SLC4A8: variants seen among roughly 807,000 people sequenced by gnomAD.
SLC4A8 encodes the protein solute carrier family 4 member 8, also known as electroneutral sodium bicarbonate exchanger 1.
In SLC4A8, 40 loss-of-function variants were observed where a neutral mutation model predicts 125.0. The ratio of observed to expected loss-of-function variants is 0.32; its 90% CI spans 0.25 to 0.42. The LOEUF (loss-of-function observed/expected upper bound fraction) is 0.42. Ranked by LOEUF, SLC4A8 falls within the 10% of genes least tolerant of loss-of-function variation. The pLI is 1.00. For synonymous variants in SLC4A8, 456 were observed against 476.0 expected (o/e 0.96, Z 0.55); for missense variants, 863 against 1,355.1 (o/e 0.64, Z 5.70).
chr12:51,448,679 A>G (rs969014418), intron 2 of SLC4A8, among the ~76,000 whole-genome samples: 1 of 152,170 alleles, frequency 6.6e-6, no homozygotes, highest in African/African-American at 2.4e-5. Context: ...TGGTTTGGAT[A>G]CTGCCTGCAA....
intron 1 of SLC4A8, among the ~76,000 whole-genome samples, chr12:51,401,939 A>AT (rs139226099): frequency 3.1e-4 from 46 of 150,404 alleles, no homozygotes; most frequent in African/African-American, 5.1e-4. Context: ...TAATTTTTCT[A>AT]TTTTTTTTTG....
In SLC4A8 at chr12:51,511,607, T is replaced by C; in HGVS notation, c.*4169T>C. On this transcript the variant is annotated 3_prime_UTR_variant, in exon 25 of 25. Transcript: ENST00000453097. Reference sequence around the variant, plus strand: ...TTTCACTATGTTGGCCAGGCTGGTCTGAAACTCCTGGCCTCAGGTGATCCA... The same window carrying C: ...TTTCACTATGTTGGCCAGGCTGGTCCGAAACTCCTGGCCTCAGGTGATCCA... 6.6e-6 allele frequency: 1 copy of C among 152,348 alleles called. No individual in the cohort carries two copies. Among genetic ancestry groups the C allele is most frequent in the Non-Finnish European group, 1.5e-5 (1 of 68,076 alleles). The allele number at this position is 152,348 out of a possible 1,614,324, so 9.4% of individuals were successfully genotyped here. A position where few individuals can be genotyped will look rare whatever the true frequency, so the allele number is the denominator to read the frequency against.
At chr12:51,427,062 C>T (rs748492981) in intron 1 of SLC4A8, among the ~76,000 whole-genome samples, 10 of 151,766 alleles carry the variant, frequency 6.6e-5, no homozygotes, top group South Asian at 4.2e-4. Context: ...CCTCGGTCTC[C>T]GGAGTAGCTG....
chr12:51,417,541 G>A (rs1592151120), intron 1 of SLC4A8, among the ~76,000 whole-genome samples: 1 of 135,834 alleles, frequency 7.4e-6, no homozygotes, highest in African/African-American at 2.8e-5. Flanking sequence ...TTTTTGAGAC[G>A]AAGTCTCACA....
chr12:51,477,344 C>T lies in SLC4A8; in HGVS notation c.2172+2138C>T, dbSNP rs529937851. Among the ~76,000 whole-genome samples the T allele has an allele frequency of 3.4e-4, 52 of 152,232 alleles. 1 individual carries two copies. The South Asian group carries it at 8.1e-3, about 24-fold the overall frequency. ...GATGGTTTGGTTTTTAAAGGCTAAA[C>T]GGTTGGTATTAAGCAAGTAAATATT... On this transcript the variant is annotated intron_variant, in intron 16 of 24. Coordinates refer to ENST00000453097, the MANE Select transcript of SLC4A8 (RefSeq NM_001039960.3).
At chr12:51,476,351 C>G (rs1426906384) in intron 16 of SLC4A8, among the ~76,000 whole-genome samples, 1 of 152,058 alleles carries the variant, frequency 6.6e-6, no homozygotes, top group Non-Finnish European at 1.5e-5. Context: ...CATGGTAGCA[C>G]ATGCCTGTAA....
intron 1 of SLC4A8, among the ~76,000 whole-genome samples, chr12:51,394,794 A>G (rs1423336494): frequency 2.0e-5 from 3 of 152,354 alleles, no homozygotes; most frequent in African/African-American, 4.8e-5. Flanking sequence ...GCAACATGCA[A>G]TTTACCCATG....
At chr12:51,502,972 G>T (rs1390482018) in intron 22 of SLC4A8, among the ~76,000 whole-genome samples, 1 of 151,658 alleles carries the variant, frequency 6.6e-6, no homozygotes, top group Non-Finnish European at 1.5e-5. Context: ...CTCCCGAGTA[G>T]CTGGGACTAC....
At chr12:51,400,826 A>T in intron 1 of SLC4A8, among the ~76,000 whole-genome samples, 1 of 127,184 alleles carries the variant, frequency 7.9e-6, no homozygotes, top group Non-Finnish European at 1.6e-5. Flanking sequence ...ATGTTTATAT[A>T]CGTATATAAA....
At position 51,462,325 on chromosome 12, in the gene SLC4A8, G is replaced by A. The variant is rs1950354251; in HGVS notation, c.1117G>A (p.Ala373Thr). The part of the protein sequence containing the change: ...IMTDEIFHDV[A>T]YKAKERDDLL... Reference sequence around the variant, plus strand: ...TTCTCTGTAGATTTTTCATGACGTAGCATATAAGGCAAAAGAGCGAGATGA... The same window carrying A: ...TTCTCTGTAGATTTTTCATGACGTAACATATAAGGCAAAAGAGCGAGATGA... The change falls in exon 10 of 25, where the codon GCA (alanine) becomes ACA (threonine). Residue 373 changes from alanine to threonine, a missense_variant. Transcript: ENST00000453097. 3 of 1,613,802 alleles carry A rather than the reference G, an allele frequency of 1.9e-6. No individual in the cohort carries two copies. The highest frequency in any genetic ancestry group is 1.7e-6 in the Non-Finnish European group (2 of 1,179,918).
chr12:51,446,583 A>G (rs1406250468), intron 2 of SLC4A8, among the ~76,000 whole-genome samples: 2 of 152,024 alleles, frequency 1.3e-5, no homozygotes, highest in South Asian at 2.1e-4. Context: ...TCTTCCCACC[A>G]AGTCTCCTTC....
chr12:51,459,015 A>AGAC (rs1950238121), intron 7 of SLC4A8, among the ~76,000 whole-genome samples: 1 of 152,232 alleles, frequency 6.6e-6, no homozygotes, highest in Non-Finnish European at 1.5e-5. Flanking sequence ...ATCTATTTAG[A>AGAC]GACAGATGTC....
At chr12:51,447,037 CCTGTCTGT>C (rs143192962) in intron 2 of SLC4A8, among the ~76,000 whole-genome samples, 4 of 149,156 alleles carry the variant, frequency 2.7e-5, no homozygotes, top group African/African-American at 9.8e-5. Context: ...TGCCTGCCTG[CCTGTCTGT>C]CTGTCTGTCT....
intron 16 of SLC4A8, among the ~76,000 whole-genome samples, chr12:51,478,274 C>CAA (rs10668768): frequency 0.05 from 6,739 of 133,536 alleles, 536 homozygotes; most frequent in African/African-American, 0.16. Context: ...AACTCCGTCT[C>CAA]AAAAAAAAAA....
intron 23 of SLC4A8, 81 bp from the exon 24 acceptor site, chr12:51,505,754 A>G (rs1332847169): frequency 6.6e-6 from 4 of 601,616 alleles, no homozygotes; most frequent in Non-Finnish European, 1.2e-5. Context: ...TCTCCCTTCT[A>G]TTGGGACAGT....
intron 1 of SLC4A8, among the ~76,000 whole-genome samples, chr12:51,410,806 C>T (rs1053543861): frequency 6.6e-6 from 1 of 151,766 alleles, no homozygotes; most frequent in East Asian, 1.9e-4. Flanking sequence ...TTTCTTGTCC[C>T]CCTTCCCACA....
intron 17 of SLC4A8, among the ~76,000 whole-genome samples, 186 bp downstream of exon 17, chr12:51,486,086 G>A (rs574893578): frequency 1.3e-5 from 2 of 152,244 alleles, no homozygotes; most frequent in East Asian, 3.9e-4. Context: ...AGACAGAAAA[G>A]CCAGAGAACA....
At chr12:51,456,316 C>A (rs1950149254) in intron 5 of SLC4A8, among the ~76,000 whole-genome samples, 1 of 152,064 alleles carries the variant, frequency 6.6e-6, no homozygotes, top group Non-Finnish European at 1.5e-5. Context: ...AGAAATATGG[C>A]TCTTCAGCTT....
At chr12:51,421,018 ATG>A (rs144594375), upstream of SLC4A8, among the ~76,000 whole-genome samples, 2 of 150,330 alleles carry the variant, frequency 1.3e-5, no homozygotes, top group African/African-American at 2.4e-5. Flanking sequence ...TATTGGTATG[ATG>A]TGTGTGTGTG....
Sources: allele counts gnomAD v4.1 joint callset (sites outside exome capture counted in the v4.1 genomes callset), GRCh38; gene constraint gnomAD v4.1.1; transcripts MANE v1.5; gene names NCBI Gene and HGNC (gene_info 2026-07-23, HGNC 2026-07-21).